Variants in MIR2052HG observed in about 807,000 individuals in gnomAD.
MIR2052HG encodes the protein MIR2052 host gene.
In MIR2052HG at chr8:74,729,087, A is replaced by C. The variant is rs115683366; in HGVS notation, n.372-23354A>C. On this transcript the variant is annotated intron_variant and non_coding_transcript_variant, in intron 4 of 6. Coordinates refer to ENST00000523442, the Ensembl canonical transcript of MIR2052HG. ...GGAAAAATATTATCATTATTTTAAT[A>C]ATACTTTCCCAAGTCGCAAACGAAT... Among the ~76,000 whole-genome samples the C allele has an allele frequency of 8.3e-3, 1,265 of 152,306 alleles. 16 individuals carry two copies. The highest frequency in any genetic ancestry group is 0.028 in the African/African-American group (1,181 of 41,548).
chr8:74,708,388 C>T (rs905914711), intron 4 of MIR2052HG, among the ~76,000 whole-genome samples: 5 of 152,140 alleles, frequency 3.3e-5, no homozygotes, highest in Non-Finnish European at 1.5e-5. Context: ...GAGAACCAAA[C>T]CAGCATGCTT....
chr8:74,691,165 T>C (rs1319488266), intron 2 of MIR2052HG, among the ~76,000 whole-genome samples: 1 of 151,980 alleles, frequency 6.6e-6, no homozygotes, highest in African/African-American at 2.4e-5. Flanking sequence ...CTGAACAAAG[T>C]GATTGAGAAA....
At chr8:74,688,981 TA>T (rs894579836) in intron 2 of MIR2052HG, among the ~76,000 whole-genome samples, 9 of 152,022 alleles carry the variant, frequency 5.9e-5, no homozygotes, top group African/African-American at 2.2e-4. Context: ...TCTCACATTG[TA>T]AAAAAAAGTC....
At chr8:74,602,013 G>A (rs1162853601) in intron 1 of MIR2052HG, among the ~76,000 whole-genome samples, 1 of 152,170 alleles carries the variant, frequency 6.6e-6, no homozygotes, top group African/African-American at 2.4e-5. Flanking sequence ...TCAATCCAGA[G>A]AGACTCCATC....
At chr8:74,609,663 A>G (rs1476141299) in intron 1 of MIR2052HG, 2 of 151,142 alleles carry the variant, frequency 1.3e-5, no homozygotes, top group African/African-American at 4.8e-5. Context: ...TCAATTTAAT[A>G]TGCCAGATTA....
chr8:74,649,358 T>A (rs886574778), intron 2 of MIR2052HG, among the ~76,000 whole-genome samples: 2 of 152,088 alleles, frequency 1.3e-5, no homozygotes, highest in African/African-American at 4.8e-5. Flanking sequence ...TTTAGTGCTA[T>A]TAAAATAGTT....
chr8:74,654,600 G>A (rs773819698), intron 2 of MIR2052HG, among the ~76,000 whole-genome samples: 16 of 152,044 alleles, frequency 1.1e-4, no homozygotes, highest in South Asian at 2.1e-4. Flanking sequence ...TTCTCTTGCC[G>A]CTGTTATGTA....
At chr8:74,674,452 G>A (rs909565504) in intron 2 of MIR2052HG, among the ~76,000 whole-genome samples, 1 of 151,796 alleles carries the variant, frequency 6.6e-6, no homozygotes, top group Non-Finnish European at 1.5e-5. Flanking sequence ...CAAAAAAATA[G>A]GGAGAGGAAT....
chr8:74,751,805 A>T (rs1266479446), intron 4 of MIR2052HG, among the ~76,000 whole-genome samples: 2 of 152,252 alleles, frequency 1.3e-5, no homozygotes, highest in Non-Finnish European at 2.9e-5. Flanking sequence ...ATAATTGAGA[A>T]ATGTGTAATC....
chr8:74,690,556 G>T (rs1435570479), intron 2 of MIR2052HG, among the ~76,000 whole-genome samples: 1 of 152,082 alleles, frequency 6.6e-6, no homozygotes, highest in Non-Finnish European at 1.5e-5. Flanking sequence ...GCTGAGGCAG[G>T]AGAATGGCAT....
chr8:74,643,863 A>T (rs963353483), intron 2 of MIR2052HG, among the ~76,000 whole-genome samples: 1 of 152,202 alleles, frequency 6.6e-6, no homozygotes, highest in Admixed American at 6.5e-5. Flanking sequence ...AACAAGAAAA[A>T]ATAACAGAAA....
At chr8:74,713,682 A>G (rs1292973010) in intron 4 of MIR2052HG, among the ~76,000 whole-genome samples, 2 of 152,152 alleles carry the variant, frequency 1.3e-5, no homozygotes, top group East Asian at 3.9e-4. Flanking sequence ...TAGGTTTGGA[A>G]AATATACAGT....
At chr8:74,711,659 G>A (rs269191) in intron 4 of MIR2052HG, among the ~76,000 whole-genome samples, 29,964 of 152,086 alleles carry the variant, frequency 0.2, 3,213 homozygotes, top group Middle Eastern at 0.3. Context: ...GTCAATGAGA[G>A]CTCATGGGAT....
chr8:74,720,803 T>A (rs1037313922), intron 4 of MIR2052HG, among the ~76,000 whole-genome samples: 4 of 152,100 alleles, frequency 2.6e-5, no homozygotes, highest in African/African-American at 9.7e-5. Context: ...CACAGGCCTT[T>A]TACCATCATG....
chr8:74,609,866 G>T (rs1808167501), intron 1 of MIR2052HG: 1 of 151,308 alleles, frequency 6.6e-6, no homozygotes, highest in Non-Finnish European at 1.5e-5. Context: ...AATGGTGAAA[G>T]AAAATTCTTT....
At chr8:74,602,876 T>TCTTTCTTTTCTTTCTTTCTTTC (rs1554570015) in intron 1 of MIR2052HG, among the ~76,000 whole-genome samples, 55 of 137,064 alleles carry the variant, frequency 4.0e-4, no homozygotes, top group East Asian at 1.3e-3. Flanking sequence ...TTTCTTTCTT[T>TCTTTCTTTTCTTTCTTTCTTTC]TTTCTATTCA....
At chr8:74,737,091 A>G (rs1809773874) in intron 4 of MIR2052HG, among the ~76,000 whole-genome samples, 2 of 152,194 alleles carry the variant, frequency 1.3e-5, no homozygotes, top group Non-Finnish European at 2.9e-5. Flanking sequence ...TCCGCAACAA[A>G]TCGGACTAAT....
chr8:74,674,494 C>T (rs933747434), intron 2 of MIR2052HG, among the ~76,000 whole-genome samples: 10 of 151,772 alleles, frequency 6.6e-5, no homozygotes, highest in African/African-American at 1.5e-4. Context: ...TATTGAAAGA[C>T]GTACATTTCT....
chr8:74,751,277 A>G (rs1451150476), intron 4 of MIR2052HG, among the ~76,000 whole-genome samples: 1 of 152,102 alleles, frequency 6.6e-6, no homozygotes, highest in East Asian at 1.9e-4. Flanking sequence ...TTTTTGTGCT[A>G]TTTCTTGCTG....
Sources: gnomAD v4.1 joint callset for allele counts (sites outside exome capture counted in the v4.1 genomes callset) on GRCh38, gnomAD v4.1.1 for gene constraint, MANE v1.5 for transcripts, NCBI Gene and HGNC (gene_info 2026-07-23, HGNC 2026-07-21) for gene names.